Variants in IFNG-AS1 observed in about 807,000 individuals in gnomAD.
IFNG-AS1 encodes IFNG regulatory antisense RNA 1.
chr12:67,990,259 C>T (rs2120402643), intron 1 of IFNG-AS1, among the ~76,000 whole-genome samples: 1 of 152,290 alleles, frequency 6.6e-6, no homozygotes, highest in East Asian at 1.9e-4. Flanking sequence ...ATTAAATTGA[C>T]TTCTTAATGT....
intron 1 of IFNG-AS1, among the ~76,000 whole-genome samples, chr12:67,992,021 T>A (rs1879526316): frequency 6.6e-6 from 1 of 152,340 alleles, no homozygotes; most frequent in Admixed American, 6.5e-5. Flanking sequence ...AATTATGTAC[T>A]ACCTTTCAAG....
intron 4 of IFNG-AS1, chr12:68,020,028 G>A (rs938106876): frequency 2.6e-5 from 4 of 152,116 alleles, no homozygotes; most frequent in African/African-American, 9.7e-5. Context: ...TCTACTGAGA[G>A]GTGTTTGTGT....
At chr12:68,004,136 C>T (rs1879852904) in intron 2 of IFNG-AS1, among the ~76,000 whole-genome samples, 1 of 152,166 alleles carries the variant, frequency 6.6e-6, no homozygotes, top group Non-Finnish European at 1.5e-5. Context: ...TCAAATACTA[C>T]TTCAAATATT....
intron 2 of IFNG-AS1, among the ~76,000 whole-genome samples, chr12:68,005,409 C>T (rs1391804626): frequency 3.9e-5 from 6 of 152,162 alleles, no homozygotes. Context: ...TACACATGCA[C>T]ACACACAGAG....
At chr12:67,994,579 C>A (rs573405050) in intron 1 of IFNG-AS1, among the ~76,000 whole-genome samples, 1 of 152,294 alleles carries the variant, frequency 6.6e-6, no homozygotes, top group East Asian at 1.9e-4. Flanking sequence ...TTAAATACAG[C>A]TTTCAAAGCA....
At chr12:68,004,748 A>G (rs1406680455) in intron 2 of IFNG-AS1, among the ~76,000 whole-genome samples, 1 of 152,122 alleles carries the variant, frequency 6.6e-6, no homozygotes, top group Non-Finnish European at 1.5e-5. Context: ...TGTCACTACT[A>G]TCTCACCTCA....
intron 3 of IFNG-AS1, among the ~76,000 whole-genome samples, chr12:68,010,796 G>A (rs907964383): frequency 6.6e-6 from 1 of 152,146 alleles, no homozygotes; most frequent in African/African-American, 2.4e-5. Context: ...CATGTGCCAG[G>A]CCTCATACAA....
intron 2 of IFNG-AS1, among the ~76,000 whole-genome samples, chr12:68,000,730 C>T (rs1185507337): frequency 1.3e-5 from 2 of 152,064 alleles, no homozygotes; most frequent in Non-Finnish European, 2.9e-5. Context: ...ATATTTATTC[C>T]ATAAATTCTC....
At chr12:68,020,496 C>T (rs900405591) in intron 4 of IFNG-AS1, 2 of 152,084 alleles carry the variant, frequency 1.3e-5, no homozygotes, top group Non-Finnish European at 2.9e-5. Context: ...AGTTCTTTGT[C>T]GCTGGACTAA....
intron 3 of IFNG-AS1, chr12:68,013,698 C>T (rs1880083318): frequency 6.6e-6 from 1 of 152,292 alleles, no homozygotes; most frequent in Non-Finnish European, 1.5e-5. Context: ...AGATAGCCCT[C>T]CATTTCATAG....
At position 68,018,477 on chromosome 12, in the gene IFNG-AS1, G is replaced by T. The variant is rs564617661; in HGVS notation, n.242-1385G>T. Among the ~76,000 whole-genome samples the T allele has an allele frequency of 2.6e-5, 4 of 152,234 alleles. No homozygotes were observed. The East Asian group carries it at 7.7e-4, about 29-fold the overall frequency. On this transcript the variant is annotated intron_variant and non_coding_transcript_variant, in intron 3 of 5. Transcript: ENST00000536914. Reference sequence around the variant, plus strand: ...TGTATAGAAAACATTCACCCTACATGGCTATTTAGGCCCAAACTTAAGCCT... The same window carrying T: ...TGTATAGAAAACATTCACCCTACATTGCTATTTAGGCCCAAACTTAAGCCT...
At chr12:68,012,551 A>G (rs1880056717) in intron 3 of IFNG-AS1, among the ~76,000 whole-genome samples, 1 of 152,222 alleles carries the variant, frequency 6.6e-6, no homozygotes, top group South Asian at 2.1e-4. Flanking sequence ...TCCTTCTCCC[A>G]AACACTTTTC....
At chr12:68,020,860 A>G (rs1294783448) in intron 4 of IFNG-AS1, 2 of 152,206 alleles carry the variant, frequency 1.3e-5, no homozygotes, top group African/African-American at 4.8e-5. Flanking sequence ...TTTGACACAC[A>G]TCCTCTAAAA....
chr12:68,009,750 C>A (rs1879983969), intron 3 of IFNG-AS1, among the ~76,000 whole-genome samples: 1 of 152,130 alleles, frequency 6.6e-6, no homozygotes, highest in African/African-American at 2.4e-5. Flanking sequence ...ATTCCGAGAT[C>A]TTGTCTTTTT....
intron 2 of IFNG-AS1, among the ~76,000 whole-genome samples, chr12:68,002,923 C>T (rs1879803548): frequency 6.6e-6 from 1 of 152,134 alleles, no homozygotes; most frequent in Non-Finnish European, 1.5e-5. Context: ...TAAAAGTAAA[C>T]TGGAGAACTG....
At chr12:68,012,795 G>A (rs1327266281) in intron 3 of IFNG-AS1, among the ~76,000 whole-genome samples, 1 of 152,182 alleles carries the variant, frequency 6.6e-6, no homozygotes, top group Admixed American at 6.5e-5. Flanking sequence ...GACGACTAGC[G>A]ATGCATAGAG....
At chr12:68,000,803 AT>A (rs1879750221) in intron 2 of IFNG-AS1, among the ~76,000 whole-genome samples, 1 of 151,982 alleles carries the variant, frequency 6.6e-6, no homozygotes, top group Admixed American at 6.6e-5. Context: ...TATTGTTCAT[AT>A]TTTCAGAGGA....
At chr12:67,990,412 C>T (rs1266334892) in intron 1 of IFNG-AS1, among the ~76,000 whole-genome samples, 1 of 152,162 alleles carries the variant, frequency 6.6e-6, no homozygotes, top group East Asian at 1.9e-4. Context: ...AGAACTGGTC[C>T]ATATAAATCC....
intron 2 of IFNG-AS1, among the ~76,000 whole-genome samples, chr12:68,000,673 T>TA (rs1031132777): frequency 3.4e-5 from 5 of 148,950 alleles, no homozygotes; most frequent in African/African-American, 7.4e-5. Context: ...CCTTGTCTCT[T>TA]AAAAAAAAAA....
Sources: allele counts gnomAD v4.1 joint callset (sites outside exome capture counted in the v4.1 genomes callset), GRCh38; gene constraint gnomAD v4.1.1; transcripts MANE v1.5; gene names NCBI Gene and HGNC (gene_info 2026-07-23, HGNC 2026-07-21).